The following ZFPM1 variants were observed in gnomAD, a reference collection of about 807,000 sequenced individuals.
ZFPM1 encodes the protein zinc finger protein, FOG family member 1, also known as zinc finger protein ZFPM1.
Under a neutral mutation model 46.3 loss-of-function variants are expected in ZFPM1, and 28 were observed. The ratio of observed to expected loss-of-function variants is 0.60; its 90% CI spans 0.45 to 0.83. ZFPM1 has a LOEUF of 0.83. Among genes scored for constraint, ZFPM1 ranks in the 40% least tolerant of loss-of-function variants. The pLI is 0.00. For synonymous variants in ZFPM1, 957 were observed against 675.9 expected (o/e 1.42, Z -6.45); for missense variants, 1,878 against 1,432.4 (o/e 1.31, Z -5.02).
At chr16:88,495,453 G>A (rs13333088) in intron 3 of ZFPM1, among the ~76,000 whole-genome samples, 27,830 of 152,196 alleles carry the variant, frequency 0.18, 2,851 homozygotes, top group East Asian at 0.28. Flanking sequence ...TCACTTGTCC[G>A]TCCTTCCTCT....
At chr16:88,523,231 C>T (rs373692631) in intron 4 of ZFPM1, among the ~76,000 whole-genome samples, 2 of 151,950 alleles carry the variant, frequency 1.3e-5, no homozygotes, top group Non-Finnish European at 2.9e-5. Flanking sequence ...AATAGGCCCC[C>T]TTCCCCCTTG....
At chr16:88,491,311 G>T (rs557245115) in intron 3 of ZFPM1, among the ~76,000 whole-genome samples, 37 of 152,310 alleles carry the variant, frequency 2.4e-4, no homozygotes, top group African/African-American at 7.5e-4. Flanking sequence ...CACTCTATCA[G>T]TGGAGACCAC....
intron 4 of ZFPM1, chr16:88,516,260 C>A: frequency 2.5e-6 from 1 of 398,608 alleles, no homozygotes; most frequent in East Asian, 3.6e-5. Flanking sequence ...GGCACCGGCC[C>A]AGGAGTCATC....
intron 3 of ZFPM1, among the ~76,000 whole-genome samples, chr16:88,508,720 G>C (rs12933752): frequency 1.2e-4 from 19 of 152,300 alleles, no homozygotes; most frequent in South Asian, 6.2e-4. Flanking sequence ...GTCACGGGGT[G>C]GGGGAGGAGC....
At chr16:88,501,694 C>G (rs11645559) in intron 3 of ZFPM1, among the ~76,000 whole-genome samples, 12,059 of 91,958 alleles carry the variant, frequency 0.13, 2,093 homozygotes, top group East Asian at 0.19. Context: ...GGGTGCAGGG[C>G]CTCTCCCGCA....
intron 1 of ZFPM1, among the ~76,000 whole-genome samples, chr16:88,460,813 C>G (rs1343620208): frequency 1.3e-5 from 2 of 151,840 alleles, no homozygotes; most frequent in Non-Finnish European, 1.5e-5. Context: ...TTATTCATGC[C>G]GGGTGACATG....
At chr16:88,528,395 A>T (rs1912517431) in intron 6 of ZFPM1, among the ~76,000 whole-genome samples, 157 bp downstream of exon 6, 1 of 152,176 alleles carries the variant, frequency 6.6e-6, no homozygotes, top group African/African-American at 2.4e-5. Context: ...GGGTGGTCCC[A>T]AGTGCAGAAC....
Position 88,532,095 on chromosome 16 carries a change from G to T in ZFPM1, c.806G>T (p.Gly269Val). 1.9e-6 allele frequency: 3 copies of T among 1,612,446 alleles called. No homozygotes were observed. Among genetic ancestry groups the T allele is most frequent in the Non-Finnish European group, 2.5e-6 (3 of 1,179,742 alleles). ...HLLYYCASRQ[G>V]TGSPAAAATD... ...CTCTACTACTGCGCCAGCCGCCAGG[G>T]CACCGGCTCCCCGGCCGCAGCCGCC... Residue 269 changes from glycine (G) to valine (V), a missense_variant, in exon 7 of 10, where the codon GGC (glycine) becomes GTC (valine). By Grantham distance (109) the Gly-to-Val change is moderately radical. Transcript: ENST00000319555.
rs1188579928 is a variant in ZFPM1, at chr16:88,469,252, G to A, written c.40+15574G>A. ...CTGCCAAGCTTCTGAAGTGCCGGCC[G>A]GGCCAGGGACGTGGCACCATCTTAA... On this transcript the variant is annotated intron_variant, in intron 1 of 9. Transcript: ENST00000319555. This position sits in a 1 kb window ranked among gnomAD's most constrained non-coding sequence, Gnocchi z 4.3. Among the ~76,000 whole-genome samples, 2 of 152,140 alleles carry A rather than the reference G, an allele frequency of 1.3e-5. No individual in the cohort carries two copies. Among genetic ancestry groups the A allele is most frequent in the East Asian group, 1.9e-4 (1 of 5,182 alleles).
upstream of ZFPM1, among the ~76,000 whole-genome samples, chr16:88,452,528 G>A (rs553814232): frequency 1.3e-5 from 2 of 152,372 alleles, no homozygotes; most frequent in African/African-American, 4.8e-5. Context: ...GGGAAGACCC[G>A]AGATCCTGCT....
chr16:88,460,431 G>T (rs1205470274), intron 1 of ZFPM1, among the ~76,000 whole-genome samples: 6 of 152,202 alleles, frequency 3.9e-5, no homozygotes, highest in Non-Finnish European at 1.5e-5. Context: ...TCCCTGCCTC[G>T]GTTGGTTCAA....
chr16:88,532,700 A>G lies in ZFPM1; in HGVS notation c.1033A>G (p.Thr345Ala). ...GCGGCACCTCAAGGTGCACACGGAC[A>G]CGCTGAGCGGTAGGCACCGCAGGGG... ...CERHLKVHTD[T>A]LSGVCHSCGF... The change falls in exon 8 of 10, where the codon ACG (threonine) becomes GCG (alanine). Residue 345 changes from threonine (T) to alanine (A), a missense_variant. By Grantham distance (58) the Thr-to-Ala change is moderately conservative. Transcript: ENST00000319555. The G allele has an allele frequency of 1.2e-6, 2 of 1,611,258 alleles. No homozygotes were observed. Among genetic ancestry groups the G allele is most frequent in the African/African-American group, 1.3e-5 (1 of 74,962 alleles).
At chr16:88,488,336 G>T (rs981435977) in intron 2 of ZFPM1, among the ~76,000 whole-genome samples, 1 of 152,206 alleles carries the variant, frequency 6.6e-6, no homozygotes. Context: ...AACAGCCAGG[G>T]CTGCACCTGG....
intron 4 of ZFPM1, among the ~76,000 whole-genome samples, chr16:88,524,120 T>C (rs1301450942): frequency 6.6e-6 from 1 of 152,220 alleles, no homozygotes; most frequent in African/African-American, 2.4e-5. Flanking sequence ...TTAGATTTCA[T>C]ATCGTTACCG....
At chr16:88,476,433 C>T (rs1044442541) in intron 1 of ZFPM1, among the ~76,000 whole-genome samples, 2 of 151,966 alleles carry the variant, frequency 1.3e-5, no homozygotes, top group African/African-American at 4.8e-5. Flanking sequence ...GAGAGAGGGC[C>T]GCCAAGTGGC....
intron 4 of ZFPM1, among the ~76,000 whole-genome samples, chr16:88,517,222 ATGGATGGGTGGGTGGGTGGG>A (rs1163446485): frequency 6.2e-5 from 5 of 80,672 alleles, no homozygotes; most frequent in Middle Eastern, 6.3e-3. Flanking sequence ...GGATGGATGG[ATGGATGGGTGGGTGGGTGGG>A]TGGATGGATG....
intron 1 of ZFPM1, among the ~76,000 whole-genome samples, chr16:88,482,084 G>C (rs1245596011): frequency 6.6e-6 from 1 of 152,244 alleles, no homozygotes; most frequent in Non-Finnish European, 1.5e-5. Context: ...GCCTGGCCGT[G>C]GGTTGGCCTG....
At chr16:88,501,567 G>A (rs867689583) in intron 3 of ZFPM1, among the ~76,000 whole-genome samples, 10 of 137,002 alleles carry the variant, frequency 7.3e-5, no homozygotes, top group African/African-American at 2.2e-4. Context: ...TGGTGATGAT[G>A]GAGATAGCGG....
intron 3 of ZFPM1, among the ~76,000 whole-genome samples, chr16:88,500,174 C>T (rs1327255542): frequency 2.6e-5 from 4 of 152,168 alleles, no homozygotes; most frequent in African/African-American, 9.7e-5. Flanking sequence ...GTTGCCCTAC[C>T]GGCCCCTCCC....
Sources: allele counts gnomAD v4.1 joint callset (sites outside exome capture counted in the v4.1 genomes callset), GRCh38; gene constraint gnomAD v4.1.1; non-coding constraint Gnocchi (gnomAD v3.1); transcripts MANE v1.5; gene names NCBI Gene and HGNC (gene_info 2026-07-23, HGNC 2026-07-21).